Variants in ASH1L observed in about 807,000 individuals in gnomAD.
ASH1L encodes histone-lysine N-methyltransferase ASH1L.
In ASH1L, 23 loss-of-function variants were observed where a neutral mutation model predicts 269.0. The ratio of observed to expected loss-of-function variants is 0.09; its 90% CI spans 0.06 to 0.12. ASH1L has a LOEUF of 0.12. ASH1L is among the 10% of genes least tolerant of loss of function. The probability of loss-of-function intolerance (pLI) is 1.00; values close to 1 mark genes in which losing one functional copy is unlikely to be tolerated. For missense variants in ASH1L, 2,912 were observed against 3,567.8 expected (o/e 0.82, Z 4.68); for synonymous variants, 1,187 against 1,253.5 (o/e 0.95, Z 1.12).
intron 6 of ASH1L, among the ~76,000 whole-genome samples, chr1:155,406,788 G>T (rs1307748660): frequency 6.6e-6 from 1 of 151,952 alleles, no homozygotes; most frequent in Non-Finnish European, 1.5e-5. Context: ...CAATAGTCAC[G>T]GTCAATAAGC....
chr1:155,554,437 T>G (rs1671442841), intron 1 of ASH1L, among the ~76,000 whole-genome samples: 1 of 151,946 alleles, frequency 6.6e-6, no homozygotes, highest in South Asian at 2.1e-4. Flanking sequence ...CACACAGGGC[T>G]AATTTTGTAT....
intron 12 of ASH1L, among the ~76,000 whole-genome samples, chr1:155,363,308 C>T (rs1391324207): frequency 2.6e-5 from 4 of 151,898 alleles, no homozygotes; most frequent in African/African-American, 9.7e-5. Flanking sequence ...AACAGTATCT[C>T]ACTCTTGTAT....
intron 2 of ASH1L, among the ~76,000 whole-genome samples, chr1:155,509,750 G>C (rs931332219): frequency 5.3e-5 from 8 of 152,226 alleles, no homozygotes; most frequent in African/African-American, 1.9e-4. Context: ...AGTGAGCCGA[G>C]ACTGCACCAC....
At chr1:155,501,838 T>C (rs1267892401) in intron 2 of ASH1L, among the ~76,000 whole-genome samples, 2 of 151,738 alleles carry the variant, frequency 1.3e-5, no homozygotes, top group Non-Finnish European at 2.9e-5. Context: ...AACTTTTGTA[T>C]TTTTAGTAGA....
chr1:155,440,264 C>T (rs1484969184), intron 4 of ASH1L, among the ~76,000 whole-genome samples: 1 of 151,898 alleles, frequency 6.6e-6, no homozygotes, highest in Non-Finnish European at 1.5e-5. Context: ...GCTATGATCA[C>T]GCCACTGCAT....
At chr1:155,439,194 TTGA>T (rs1662348110) in intron 4 of ASH1L, 126 bp from the exon 5 acceptor site, 1 of 1,027,784 alleles carries the variant, frequency 9.7e-7, no homozygotes, top group African/African-American at 1.6e-5. Flanking sequence ...CATAGGTAAA[TTGA>T]TGGTTTACTT....
intron 5 of ASH1L, among the ~76,000 whole-genome samples, chr1:155,437,304 A>G (rs913847432): frequency 2.6e-5 from 4 of 152,206 alleles, no homozygotes; most frequent in Non-Finnish European, 5.9e-5. Flanking sequence ...TTGAGTAGAC[A>G]CTTCTCTAAA....
intron 12 of ASH1L, among the ~76,000 whole-genome samples, chr1:155,364,359 T>G (rs547191886): frequency 1.3e-5 from 2 of 152,084 alleles, no homozygotes; most frequent in Non-Finnish European, 2.9e-5. Flanking sequence ...AGGATTAGAG[T>G]TGCTGGTTTA....
At chr1:155,446,568 G>T (rs1199621593) in intron 4 of ASH1L, among the ~76,000 whole-genome samples, 1 of 149,350 alleles carries the variant, frequency 6.7e-6, no homozygotes, top group Non-Finnish European at 1.5e-5. Flanking sequence ...CAAAGTGCTG[G>T]TATTACAGGT....
At chr1:155,412,755 C>A (rs370975351) in intron 6 of ASH1L, among the ~76,000 whole-genome samples, 3 of 152,100 alleles carry the variant, frequency 2.0e-5, no homozygotes, top group Non-Finnish European at 4.4e-5. Flanking sequence ...GTCTTGGGAA[C>A]TGAGCACCCA....
intron 5 of ASH1L, chr1:155,434,337 G>A: frequency 1.9e-6 from 3 of 1,543,698 alleles, no homozygotes; most frequent in Non-Finnish European, 2.6e-6. Context: ...GTTTGTGCCA[G>A]GGCTTTTGGA....
In ASH1L at chr1:155,479,264, T is replaced by C. The variant is rs773494980; in HGVS notation, c.3606A>G (p.Gly1202=). 32 of 1,613,986 alleles carry C rather than the reference T, an allele frequency of 2.0e-5. No homozygotes were observed. The Admixed American group carries it at 2.5e-4, about 13-fold the overall frequency. ...ATGTGCTGTTATTATCTGTTCCAATTCCACTATCACTGGGAATGGTCTCAT... is the reference window on the plus strand; with the variant it reads ...ATGTGCTGTTATTATCTGTTCCAATCCCACTATCACTGGGAATGGTCTCAT... The part of the protein sequence containing the change: ...HSDETIPSDS[G]IGTDNNSTSD... Residue 1202 remains glycine, a synonymous_variant, in exon 3 of 28, where the codon GGA becomes GGG. Coordinates refer to ENST00000392403, the MANE Select transcript of ASH1L (RefSeq NM_018489.3).
chr1:155,513,943 A>G (rs553011715), intron 2 of ASH1L, among the ~76,000 whole-genome samples: 1 of 152,348 alleles, frequency 6.6e-6, no homozygotes, highest in East Asian at 1.9e-4. Flanking sequence ...TGGTATATAC[A>G]TACACTGGAA....
At chr1:155,385,659 A>G (rs537448408) in intron 7 of ASH1L, among the ~76,000 whole-genome samples, 1 of 152,240 alleles carries the variant, frequency 6.6e-6, no homozygotes, top group South Asian at 2.1e-4. Flanking sequence ...GGCAAATAAC[A>G]TATGATTTTA....
At chr1:155,537,913 T>A (rs1007497468) in intron 1 of ASH1L, among the ~76,000 whole-genome samples, 3 of 152,220 alleles carry the variant, frequency 2.0e-5, no homozygotes, top group South Asian at 2.1e-4. Flanking sequence ...TCTTATCTGC[T>A]GATCTGATTT....
At chr1:155,368,005 C>T (rs1051971727) in intron 12 of ASH1L, among the ~76,000 whole-genome samples, 1 of 151,942 alleles carries the variant, frequency 6.6e-6, no homozygotes, top group South Asian at 2.1e-4. Flanking sequence ...TCTTCTTCTT[C>T]GTCTTCATTT....
chr1:155,392,748 C>T (rs1464597007), intron 7 of ASH1L, among the ~76,000 whole-genome samples: 1 of 152,126 alleles, frequency 6.6e-6, no homozygotes, highest in Non-Finnish European at 1.5e-5. Flanking sequence ...CTCGGCCTCC[C>T]AAAGTGCTGG....
Position 155,550,386 on chromosome 1 carries a change from G to C in ASH1L, c.-100+11767C>G, listed in dbSNP as rs1167786806. ...TTTCAAAGTGCATATATCAGATCAA[G>C]TCATTTCCCTGCTTCCAATCAAACT... On this transcript the variant is annotated intron_variant, in intron 1 of 27. Coordinates refer to ENST00000392403, the MANE Select transcript of ASH1L (RefSeq NM_018489.3). Among the ~76,000 whole-genome samples, 5 of 152,142 alleles carry C rather than the reference G, an allele frequency of 3.3e-5. No homozygotes were observed. The East Asian group carries it at 9.6e-4, about 29-fold the overall frequency.
rs545819812 is a variant in ASH1L, at chr1:155,337,108, T to C, written c.*552A>G. The C allele has an allele frequency of 6.6e-6, 1 of 152,588 alleles. No homozygotes were observed. The highest frequency in any genetic ancestry group is 1.9e-4 in the East Asian group (1 of 5,324). The allele number at this position is 152,588 out of a possible 1,614,324, so 9.5% of individuals were successfully genotyped here. A position where few individuals can be genotyped will look rare whatever the true frequency, so the allele number is the denominator to read the frequency against. ...TGAGCTGTCAACTCACATTTTACTT[T>C]GACCTGGTTGGGCAAGAAAGGAGAG... On this transcript the variant is annotated 3_prime_UTR_variant, in exon 28 of 28. Transcript: ENST00000392403.
Sources: allele counts gnomAD v4.1 joint callset (sites outside exome capture counted in the v4.1 genomes callset), GRCh38; gene constraint gnomAD v4.1.1; transcripts MANE v1.5; gene names NCBI Gene and HGNC (gene_info 2026-07-23, HGNC 2026-07-21).